Variants in FBXW4 observed in about 807,000 individuals in gnomAD.
FBXW4 encodes the protein F-box and WD repeat domain containing 4, also known as F-box/WD repeat-containing protein 4.
In FBXW4, 40 loss-of-function variants were observed where a neutral mutation model predicts 61.8. The ratio of observed to expected loss-of-function variants is 0.65; its 90% CI spans 0.50 to 0.84. The LOEUF (loss-of-function observed/expected upper bound fraction) is 0.84, where lower values mean the gene tolerates loss of function less well. FBXW4 is among the 40% of genes least tolerant of loss of function. FBXW4 has a pLI of 0.00. For missense variants in FBXW4, 672 were observed against 753.8 expected (o/e 0.89, Z 1.27); for synonymous variants, 311 against 313.8 (o/e 0.99, Z 0.10).
At chr10:101,688,309 T>C (rs1483786715) in intron 1 of FBXW4, among the ~76,000 whole-genome samples, 1 of 152,224 alleles carries the variant, frequency 6.6e-6, no homozygotes, top group East Asian at 1.9e-4. Flanking sequence ...AGTTGTCACC[T>C]TTCTCAGCAA....
At chr10:101,637,617 A>G (rs1472008507) in intron 5 of FBXW4, among the ~76,000 whole-genome samples, 2 of 143,758 alleles carry the variant, frequency 1.4e-5, no homozygotes, top group Admixed American at 7.1e-5. Context: ...CTGAGGCATG[A>G]GAATTGTGGG....
chr10:101,672,844 C>A, intron 4 of FBXW4, 71 bp downstream of exon 4: 2 of 1,550,320 alleles, frequency 1.3e-6, no homozygotes, highest in South Asian at 1.2e-5. Context: ...AATCCTGAGA[C>A]TCAGGGATCT....
chr10:101,654,391 T>C lies in FBXW4; in HGVS notation c.1235+13495A>G, dbSNP rs778348447. Among the ~76,000 whole-genome samples the C allele has an allele frequency of 4.6e-5, 7 of 152,234 alleles. No homozygotes were observed. The South Asian group carries it at 6.2e-4, about 13-fold the overall frequency. ...ATGGGTAAATTTTATGATATATAAA[T>C]TCTACTTCAATAAGGCTATTTAAAA... On this transcript the variant is annotated intron_variant, in intron 5 of 8. Transcript: ENST00000331272.
intron 1 of FBXW4, 90 bp from the exon 2 acceptor site, chr10:101,676,526 G>A (rs1234517015): frequency 3.1e-6 from 3 of 971,778 alleles, no homozygotes; most frequent in Non-Finnish European, 4.8e-6. Context: ...GGATTCAGGA[G>A]CATCCAGAAT....
intron 1 of FBXW4, among the ~76,000 whole-genome samples, chr10:101,684,078 C>T (rs2064506577): frequency 6.6e-6 from 1 of 152,224 alleles, no homozygotes; most frequent in South Asian, 2.1e-4. Context: ...ATTCTCCTGC[C>T]TCAGCCTCCC....
At chr10:101,692,962 C>T (rs1365240175) in intron 1 of FBXW4, among the ~76,000 whole-genome samples, 2 of 152,086 alleles carry the variant, frequency 1.3e-5, no homozygotes, top group Non-Finnish European at 2.9e-5. Flanking sequence ...TAGATTCTAA[C>T]ATCTAAGACC....
intron 6 of FBXW4, among the ~76,000 whole-genome samples, chr10:101,623,403 T>C (rs3127258): frequency 0.29 from 44,473 of 151,696 alleles, 6,944 homozygotes; most frequent in African/African-American, 0.35. Flanking sequence ...TAAATAAATA[T>C]AGATTTTAAA....
chr10:101,685,273 T>C (rs2064523223), intron 1 of FBXW4, among the ~76,000 whole-genome samples: 2 of 152,220 alleles, frequency 1.3e-5, no homozygotes, highest in Admixed American at 6.5e-5. Context: ...TTCACAGCTA[T>C]ACATCATCTT....
intron 5 of FBXW4, among the ~76,000 whole-genome samples, chr10:101,629,751 C>T (rs529191866): frequency 6.6e-6 from 1 of 151,928 alleles, no homozygotes; most frequent in East Asian, 1.9e-4. Flanking sequence ...ATGTGGGCTA[C>T]ACTTCAAGAG....
chr10:101,613,940 G>A (rs2063807476), intron 6 of FBXW4, among the ~76,000 whole-genome samples: 2 of 152,206 alleles, frequency 1.3e-5, no homozygotes, highest in South Asian at 4.1e-4. Flanking sequence ...TCTGTTGGGG[G>A]GCTCCTGAGA....
intron 1 of FBXW4, among the ~76,000 whole-genome samples, chr10:101,693,070 G>C (rs1023799086): frequency 2.6e-5 from 4 of 152,114 alleles, no homozygotes. Flanking sequence ...CAAACACATG[G>C]GAATATATTT....
intron 5 of FBXW4, among the ~76,000 whole-genome samples, chr10:101,665,461 G>A (rs2064289029): frequency 6.6e-6 from 1 of 152,140 alleles, no homozygotes; most frequent in Admixed American, 6.5e-5. Context: ...GGGCCAAGAA[G>A]AGGACAGGAA....
chr10:101,621,734 A>G (rs2063868302), intron 6 of FBXW4, among the ~76,000 whole-genome samples: 1 of 152,176 alleles, frequency 6.6e-6, no homozygotes, highest in Non-Finnish European at 1.5e-5. Flanking sequence ...TGAAGCTCAG[A>G]GGGCCCCAGA....
intron 5 of FBXW4, among the ~76,000 whole-genome samples, chr10:101,650,562 C>A (rs1025694838): frequency 2.0e-5 from 3 of 152,194 alleles, no homozygotes; most frequent in East Asian, 1.9e-4. Context: ...AACCGCCCCC[C>A]TCAAGGGGTG....
intron 4 of FBXW4, among the ~76,000 whole-genome samples, chr10:101,668,191 T>C (rs537849859): frequency 6.6e-6 from 1 of 152,328 alleles, no homozygotes; most frequent in African/African-American, 2.4e-5. Context: ...CTAACTACCC[T>C]CTTTTACTTC....
rs773889798 is a variant in FBXW4 at position 101,611,383 on chromosome 10, T to C, written c.1612A>G (p.Ser538Gly). 2 of 1,613,904 alleles carry C rather than the reference T, an allele frequency of 1.2e-6. No individual in the cohort carries two copies. The highest frequency in any genetic ancestry group is 2.2e-5 in the South Asian group (2 of 91,056). ...AGACGCAGGCAGTACACAGGGCTGC[T>C]GAGGGGAGTCGACGTCAGCGGGAAG... is the stretch of plus-strand genomic sequence containing the variant. ...HAFPLTSTPL[S>G]SPVYCLRLTT... Residue 538 changes from serine to glycine, a missense_variant, in exon 9 of 9, where the codon AGC becomes GGC. Around this residue, in one of 5 missense-constraint regions of FBXW4, gnomAD observed 312 missense variants for 370.1 expected, o/e 0.84. Transcript: ENST00000331272. This position sits in a 1 kb window ranked among gnomAD's most constrained non-coding sequence, Gnocchi z 4.9.
At position 101,623,080 on chromosome 10, in the gene FBXW4, G is replaced by C. The variant is rs2063880651; in HGVS notation, c.1301+1665C>G. 4 of 152,112 alleles carry C rather than the reference G, an allele frequency of 2.6e-5. No individual in the cohort carries two copies. The South Asian group carries it at 8.3e-4, about 31-fold the overall frequency. 9.4% of individuals were successfully genotyped at this position (152,112 alleles called of 1,614,324 possible). ...ATATATTAACATAATTAGCTATTAGGGAAATTCAAATTAAAACATGATGAA... is the reference window on the plus strand; with the variant it reads ...ATATATTAACATAATTAGCTATTAGCGAAATTCAAATTAAAACATGATGAA... On this transcript the variant is annotated intron_variant, in intron 6 of 8. Coordinates refer to ENST00000331272, the MANE Select transcript of FBXW4 (RefSeq NM_022039.4).
rs2063893264 is a variant in FBXW4 at position 101,624,681 on chromosome 10, T to C, written c.1301+64A>G. 1.9e-6 allele frequency: 3 copies of C among 1,581,488 alleles called. No homozygotes were observed. The Admixed American group carries it at 5.0e-5, about 26-fold the overall frequency. ...CCACTCAGCCAACTGAGGCAGAGGC[T>C]GGCTCAGCAAGCTTTCCCTCACCTC... On this transcript the variant is annotated intron_variant, in intron 6 of 8. Coordinates refer to ENST00000331272, the MANE Select transcript of FBXW4 (RefSeq NM_022039.4).
At chr10:101,612,239 T>C in intron 7 of FBXW4, 98 bp downstream of exon 7, 1 of 1,292,440 alleles carries the variant, frequency 7.7e-7, no homozygotes, top group Non-Finnish European at 9.9e-7. Context: ...TGACATGGAG[T>C]CTCTGTGCCC....
Sources: gnomAD v4.1 joint callset for allele counts (sites outside exome capture counted in the v4.1 genomes callset) on GRCh38, gnomAD v4.1.1 for gene constraint, gnomAD v4.1.1 regional missense constraint, Gnocchi (gnomAD v3.1) non-coding constraint, MANE v1.5 for transcripts, NCBI Gene and HGNC (gene_info 2026-07-23, HGNC 2026-07-21) for gene names.